Variants in EPHA6 observed in about 807,000 individuals in gnomAD.
EPHA6 encodes the protein ephrin type-A receptor 6.
A neutral mutation model predicts 112.0 loss-of-function variants in EPHA6; 50 were observed. That is an observed-to-expected ratio of 0.45 (90% CI 0.36 to 0.56). The LOEUF (loss-of-function observed/expected upper bound fraction) is 0.56. Among genes scored for constraint, EPHA6 ranks in the 20% least tolerant of loss-of-function variants. EPHA6 has a pLI of 0.00. For synonymous variants in EPHA6, 529 were observed against 490.7 expected (o/e 1.08, Z -1.03); for missense variants, 1,280 against 1,417.4 (o/e 0.90, Z 1.56).
At chr3:97,170,844 C>T (rs1272847926) in intron 3 of EPHA6, among the ~76,000 whole-genome samples, 1 of 152,158 alleles carries the variant, frequency 6.6e-6, no homozygotes, top group African/African-American at 2.4e-5. Context: ...TATTGATACA[C>T]TTTTTCTTTT....
chr3:96,938,674 C>G (rs1559606506), intron 2 of EPHA6, among the ~76,000 whole-genome samples: 6 of 151,398 alleles, frequency 4.0e-5, no homozygotes, highest in Non-Finnish European at 5.9e-5. Flanking sequence ...AGAGGGCATC[C>G]CTGTCTTGTG....
intron 2 of EPHA6, among the ~76,000 whole-genome samples, chr3:96,936,461 A>G (rs977209532): frequency 1.3e-5 from 2 of 152,010 alleles, no homozygotes; most frequent in African/African-American, 4.8e-5. Context: ...TAAAATTTAT[A>G]TCAAACTTTT....
At chr3:97,256,638 CA>C (rs1304629003) in intron 5 of EPHA6, among the ~76,000 whole-genome samples, 3 of 151,950 alleles carry the variant, frequency 2.0e-5, no homozygotes, top group African/African-American at 7.2e-5. Context: ...AGTAACTAAT[CA>C]TTTTTTTCAT....
At chr3:97,311,442 TCACACACACACACA>T (rs35415439) in intron 5 of EPHA6, among the ~76,000 whole-genome samples, 1,962 of 144,148 alleles carry the variant, frequency 0.014, 40 homozygotes, top group African/African-American at 0.046. Flanking sequence ...GATTACACTT[TCACACACACACACA>T]CACACACACA....
chr3:97,127,360 G>T (rs1186838663), intron 3 of EPHA6, among the ~76,000 whole-genome samples: 2 of 152,112 alleles, frequency 1.3e-5, no homozygotes, highest in African/African-American at 4.8e-5. Context: ...TCTTCTTCAA[G>T]GGATGATTAG....
At chr3:97,249,224 T>C (rs2079065976) in intron 5 of EPHA6, among the ~76,000 whole-genome samples, 1 of 152,114 alleles carries the variant, frequency 6.6e-6, no homozygotes, top group African/African-American at 2.4e-5. Context: ...AATTATATAT[T>C]CAAAAGCTAG....
At chr3:97,074,587 C>G (rs2046458786) in intron 3 of EPHA6, among the ~76,000 whole-genome samples, 1 of 151,754 alleles carries the variant, frequency 6.6e-6, no homozygotes, top group Non-Finnish European at 1.5e-5. Context: ...TCTCAAACTC[C>G]TCATTTGAAA....
intron 12 of EPHA6, among the ~76,000 whole-genome samples, chr3:97,598,489 C>T (rs1465731807): frequency 1.4e-5 from 2 of 139,928 alleles, no homozygotes; most frequent in Non-Finnish European, 3.0e-5. Context: ...TTGTTCAATT[C>T]CCACCTATGA....
chr3:97,714,692 A>G (rs2034136632), intron 14 of EPHA6, among the ~76,000 whole-genome samples: 2 of 152,234 alleles, frequency 1.3e-5, no homozygotes, highest in African/African-American at 4.8e-5. Context: ...TGTTCTAACT[A>G]GTGAATTTGA....
At chr3:97,706,966 T>C (rs2033712756) in intron 14 of EPHA6, among the ~76,000 whole-genome samples, 1 of 152,202 alleles carries the variant, frequency 6.6e-6, no homozygotes, top group Non-Finnish European at 1.5e-5. Context: ...ATGTGAGATG[T>C]GTTCAAGAAA....
At chr3:97,609,757 A>G (rs1024601032) in intron 12 of EPHA6, among the ~76,000 whole-genome samples, 3 of 151,548 alleles carry the variant, frequency 2.0e-5, no homozygotes, top group Non-Finnish European at 4.4e-5. Context: ...TAATATTTCC[A>G]TCATTGGTAC....
chr3:97,078,829 G>A (rs2046623496), intron 3 of EPHA6, among the ~76,000 whole-genome samples: 1 of 152,140 alleles, frequency 6.6e-6, no homozygotes, highest in Admixed American at 6.6e-5. Context: ...AAAGAAAATT[G>A]TTTCTTGAGA....
chr3:96,968,754 A>AT (rs1322303516), intron 2 of EPHA6, among the ~76,000 whole-genome samples: 3 of 151,826 alleles, frequency 2.0e-5, no homozygotes, highest in South Asian at 2.1e-4. Flanking sequence ...TCAGGGATAG[A>AT]TTTTTTCCTT....
chr3:97,412,178 A>C (rs1229650720), intron 6 of EPHA6, among the ~76,000 whole-genome samples: 6 of 152,104 alleles, frequency 3.9e-5, no homozygotes, highest in African/African-American at 7.2e-5. Flanking sequence ...TCTGGTTACA[A>C]GAAAACAAAA....
intron 14 of EPHA6, among the ~76,000 whole-genome samples, chr3:97,685,317 T>C (rs773859059): frequency 1.4e-4 from 21 of 152,216 alleles, no homozygotes; most frequent in Non-Finnish European, 2.5e-4. Flanking sequence ...TAATTCCTGT[T>C]GAATGCTTTC....
chr3:96,991,695 A>G (rs1050599950), intron 3 of EPHA6, among the ~76,000 whole-genome samples: 2 of 152,194 alleles, frequency 1.3e-5, no homozygotes, highest in Non-Finnish European at 2.9e-5. Flanking sequence ...GGTTTATCAC[A>G]TTAGGACATC....
At chr3:96,980,726 T>A (rs535262099) in intron 2 of EPHA6, among the ~76,000 whole-genome samples, 3 of 152,314 alleles carry the variant, frequency 2.0e-5, no homozygotes, top group Admixed American at 1.3e-4. Flanking sequence ...GTTATTTCAT[T>A]GAGCAGTGGT....
chr3:97,340,173 A>G (rs932347959), intron 5 of EPHA6, among the ~76,000 whole-genome samples: 6 of 152,188 alleles, frequency 3.9e-5, no homozygotes, highest in African/African-American at 1.4e-4. Flanking sequence ...CTAAATATTG[A>G]GTTTTCCAAT....
intron 3 of EPHA6, among the ~76,000 whole-genome samples, chr3:97,080,731 A>G (rs985302632): frequency 4.6e-5 from 7 of 152,080 alleles, no homozygotes; most frequent in African/African-American, 1.4e-4. Context: ...TTTCATATGT[A>G]TGTGGTTTTT....
Sources: gnomAD v4.1 joint callset for allele counts (sites outside exome capture counted in the v4.1 genomes callset) on GRCh38, gnomAD v4.1.1 for gene constraint, MANE v1.5 for transcripts, NCBI Gene and HGNC (gene_info 2026-07-23, HGNC 2026-07-21) for gene names.